Variants in CFTR observed in about 807,000 individuals in gnomAD.
CFTR encodes the protein cystic fibrosis transmembrane conductance regulator.
In CFTR, 181 loss-of-function variants were observed where a neutral mutation model predicts 171.6. That is an observed-to-expected ratio of 1.05 (90% CI 0.93 to 1.19). The LOEUF (loss-of-function observed/expected upper bound fraction) is 1.19. CFTR is among the 50% of genes most tolerant of loss of function. CFTR has a pLI of 0.00. For missense variants in CFTR, 1,968 were observed against 1,734.7 expected (o/e 1.13, Z -2.39); for synonymous variants, 583 against 608.0 (o/e 0.96, Z 0.60).
chr7:117,529,796 A>G (rs1213118567), intron 3 of CFTR, among the ~76,000 whole-genome samples: 7 of 152,156 alleles, frequency 4.6e-5, no homozygotes, highest in Non-Finnish European at 7.3e-5. Flanking sequence ...TTAAGGGATG[A>G]GGCAGAATAA....
intron 11 of CFTR, among the ~76,000 whole-genome samples, chr7:117,583,420 G>A (rs1270152098): frequency 6.6e-6 from 1 of 151,970 alleles, no homozygotes; most frequent in Non-Finnish European, 1.5e-5. Context: ...GAGAACATGC[G>A]ATATTTGGTT....
At chr7:117,594,217 A>G (rs1792083454) in intron 14 of CFTR, among the ~76,000 whole-genome samples, 1 of 152,150 alleles carries the variant, frequency 6.6e-6, no homozygotes, top group South Asian at 2.1e-4. Context: ...CATACTCCTA[A>G]CCAGTGCACT....
intron 23 of CFTR, 102 bp from the exon 24 acceptor site, chr7:117,652,740 A>T (rs925042388): frequency 6.1e-5 from 40 of 650,954 alleles, no homozygotes; most frequent in African/African-American, 9.2e-5. Context: ...TTCTTATTTT[A>T]AAATAATTTT....
At chr7:117,572,994 T>C (rs765688837) in intron 11 of CFTR, among the ~76,000 whole-genome samples, 1 of 152,078 alleles carries the variant, frequency 6.6e-6, no homozygotes, top group African/African-American at 2.4e-5. Context: ...TCAGTAAATA[T>C]TGCAAAATTA....
chr7:117,598,953 A>T (rs928625921), intron 15 of CFTR, among the ~76,000 whole-genome samples: 3 of 152,230 alleles, frequency 2.0e-5, no homozygotes, highest in Admixed American at 6.5e-5. Context: ...GTTATCATTA[A>T]TATCCTTAAT....
In CFTR at chr7:117,559,571, C is replaced by T. The variant is rs762619288; in HGVS notation, c.1500C>T (p.Gly500=). ...CTCAGTTTTCCTGGATTATGCCTGG[C>T]ACCATTAAAGAAAATATCATCTTTG... The part of the protein sequence containing the change: ...FCSQFSWIMP[G]TIKENIIFGV... The change falls in exon 11 of 27, where the codon GGC becomes GGT. Residue 500 remains glycine (G), a synonymous_variant. Coordinates refer to ENST00000003084, the MANE Select transcript of CFTR (RefSeq NM_000492.4). 2 of 1,611,832 alleles carry T rather than the reference C, an allele frequency of 1.2e-6. No homozygotes were observed. Among genetic ancestry groups the T allele is most frequent in the Admixed American group, 1.7e-5 (1 of 59,978 alleles).
At chr7:117,599,696 A>G (rs1444510342) in intron 15 of CFTR, among the ~76,000 whole-genome samples, 1 of 152,172 alleles carries the variant, frequency 6.6e-6, no homozygotes, top group Non-Finnish European at 1.5e-5. Context: ...GTAGAAAAAT[A>G]GTAATTTTTT....
chr7:117,608,272 T>G (rs2116074298), intron 18 of CFTR, among the ~76,000 whole-genome samples: 1 of 152,288 alleles, frequency 6.6e-6, no homozygotes, highest in South Asian at 2.1e-4. Flanking sequence ...TGATGCAATC[T>G]TGGCTGACTG....
intron 10 of CFTR, among the ~76,000 whole-genome samples, chr7:117,553,581 T>C (rs1369205635): frequency 6.6e-6 from 1 of 152,194 alleles, no homozygotes; most frequent in Admixed American, 6.5e-5. Flanking sequence ...TATTATCTAA[T>C]TTAAAAAGTT....
chr7:117,556,324 A>G (rs1312253713), intron 10 of CFTR, among the ~76,000 whole-genome samples: 2 of 151,850 alleles, frequency 1.3e-5, no homozygotes, highest in Non-Finnish European at 2.9e-5. Context: ...CGGCCTCCCA[A>G]AGTGTTGGGA....
chr7:117,666,658 T>C (rs1793380957), intron 26 of CFTR, among the ~76,000 whole-genome samples: 1 of 152,196 alleles, frequency 6.6e-6, no homozygotes, highest in African/African-American at 2.4e-5. Flanking sequence ...CAACTTCAGT[T>C]CTACTAAACC....
At chr7:117,659,061 A>G (rs1004520597) in intron 24 of CFTR, among the ~76,000 whole-genome samples, 21 of 152,230 alleles carry the variant, frequency 1.4e-4, no homozygotes, top group Admixed American at 6.5e-4. Flanking sequence ...TGATTCAGTT[A>G]TACTGAATTT....
At chr7:117,641,490 T>C (rs1309751425) in intron 22 of CFTR, among the ~76,000 whole-genome samples, 1 of 152,184 alleles carries the variant, frequency 6.6e-6, no homozygotes, top group South Asian at 2.1e-4. Flanking sequence ...AGTTATAGTA[T>C]ATAAAGGCCA....
chr7:117,505,270 T>C (rs1233191407), intron 2 of CFTR, among the ~76,000 whole-genome samples: 1 of 152,066 alleles, frequency 6.6e-6, no homozygotes. Context: ...GTCCCCCCCA[T>C]AAAGAATCTC....
chr7:117,667,126 G>T lies in CFTR; in HGVS notation c.*18G>T. On this transcript the variant is annotated 3_prime_UTR_variant, in exon 27 of 27. Coordinates refer to ENST00000003084, the MANE Select transcript of CFTR (RefSeq NM_000492.4). ...GGCTTTAGAGAGCAGCATAAATGTTGACATGGGACATTTGCTCATGGAATT... is the reference window on the plus strand; with the variant it reads ...GGCTTTAGAGAGCAGCATAAATGTTTACATGGGACATTTGCTCATGGAATT... The T allele has an allele frequency of 6.2e-7, 1 of 1,606,402 alleles. No individual in the cohort carries two copies. Among genetic ancestry groups the T allele is most frequent in the South Asian group, 1.1e-5 (1 of 90,666 alleles).
chr7:117,510,309 A>G (rs916767193), intron 3 of CFTR, among the ~76,000 whole-genome samples: 8 of 152,142 alleles, frequency 5.3e-5, no homozygotes. Context: ...TTGAGAAACA[A>G]TTTTATTCAC....
intron 21 of CFTR, among the ~76,000 whole-genome samples, chr7:117,615,166 C>T (rs1023903341): frequency 6.6e-6 from 1 of 152,070 alleles, no homozygotes; most frequent in African/African-American, 2.4e-5. Flanking sequence ...AAGCTGCATA[C>T]ATAATTATTG....
At chr7:117,631,514 A>C (rs1386444050) in intron 22 of CFTR, among the ~76,000 whole-genome samples, 2 of 152,110 alleles carry the variant, frequency 1.3e-5, no homozygotes, top group Non-Finnish European at 2.9e-5. Flanking sequence ...AGTGGCTGAA[A>C]ATTGTGTAAA....
chr7:117,520,676 T>C (rs1798671242), intron 3 of CFTR, among the ~76,000 whole-genome samples: 1 of 151,994 alleles, frequency 6.6e-6, no homozygotes, highest in South Asian at 2.1e-4. Flanking sequence ...CTTTATGATT[T>C]AATATCCAGT....
Sources: allele counts gnomAD v4.1 joint callset (sites outside exome capture counted in the v4.1 genomes callset), GRCh38; gene constraint gnomAD v4.1.1; transcripts MANE v1.5; gene names NCBI Gene and HGNC (gene_info 2026-07-23, HGNC 2026-07-21).